Variants in GRIK2 observed in about 807,000 individuals in gnomAD.
GRIK2 encodes glutamate ionotropic receptor kainate type subunit 2.
GRIK2 carries 32 observed loss-of-function variants against 100.3 expected under a neutral mutation model. The ratio of observed to expected loss-of-function variants is 0.32; its 90% CI spans 0.24 to 0.43. GRIK2 has a LOEUF of 0.43. Ranked by LOEUF, GRIK2 falls within the 20% of genes least tolerant of loss-of-function variation. The probability of loss-of-function intolerance (pLI) is 1.00; values close to 1 mark genes in which losing one functional copy is unlikely to be tolerated. For missense variants in GRIK2, 843 were observed against 1,114.9 expected, an observed-to-expected ratio of 0.76 and a Z score of 3.47; for synonymous variants, 417 against 389.4, an observed-to-expected ratio of 1.07 and a Z score of -0.83.
intron 7 of GRIK2, among the ~76,000 whole-genome samples, chr6:101,743,013 T>C (rs1320068522): frequency 6.6e-6 from 1 of 152,208 alleles, no homozygotes; most frequent in Admixed American, 6.5e-5. Flanking sequence ...GTGAGGTAAC[T>C]GGCGATCTAT....
chr6:101,488,312 A>G lies in GRIK2; in HGVS notation c.115+88920A>G, dbSNP rs1021365537. On this transcript the variant is annotated intron_variant, in intron 2 of 16. Transcript: ENST00000369134. Reference sequence around the variant, plus strand: ...GTTTATGACTCCCAAAGTCAATGCAATGTCTTCATAGGTTACATAGGCAGA... The same window carrying G: ...GTTTATGACTCCCAAAGTCAATGCAGTGTCTTCATAGGTTACATAGGCAGA... Among the ~76,000 whole-genome samples, 4 of 146,918 alleles carry G rather than the reference A, an allele frequency of 2.7e-5. 1 individual carries two copies. The highest frequency in any genetic ancestry group is 1.4e-4 in the Admixed American group (2 of 14,738).
At chr6:101,920,265 C>T (rs2128468800) in intron 12 of GRIK2, among the ~76,000 whole-genome samples, 1 of 152,060 alleles carries the variant, frequency 6.6e-6, no homozygotes, top group East Asian at 1.9e-4. Context: ...ACATTTATTT[C>T]TCTCTCATCC....
chr6:101,987,490 T>G (rs893863857), intron 14 of GRIK2, among the ~76,000 whole-genome samples: 1 of 151,586 alleles, frequency 6.6e-6, no homozygotes, highest in Admixed American at 6.6e-5. Context: ...TAATGAAAAT[T>G]TAACTGCCTT....
At chr6:101,728,886 GT>G (rs1433837070) in intron 7 of GRIK2, among the ~76,000 whole-genome samples, 1 of 151,998 alleles carries the variant, frequency 6.6e-6, no homozygotes, top group Non-Finnish European at 1.5e-5. Flanking sequence ...ATTCTATGCA[GT>G]TTCCTGCCTT....
chr6:101,536,802 A>G (rs4840192), intron 2 of GRIK2, among the ~76,000 whole-genome samples: 1 of 151,662 alleles, frequency 6.6e-6, no homozygotes, highest in Admixed American at 6.6e-5. Context: ...ATTCAGCTAG[A>G]TTCTTCCAAT....
intron 7 of GRIK2, among the ~76,000 whole-genome samples, chr6:101,763,833 G>GT (rs1027765344): frequency 2.0e-4 from 28 of 142,848 alleles, no homozygotes; most frequent in African/African-American, 7.2e-4. Context: ...GCGTTTTTTT[G>GT]TTTTTTTGTT....
Position 101,682,595 on chromosome 6 carries a change from T to G in GRIK2, c.766T>G (p.Phe256Val). 1 of 1,292,464 alleles carries G rather than the reference T, an allele frequency of 7.7e-7. No homozygotes were observed. The highest frequency in any genetic ancestry group is 2.3e-5 in the East Asian group (1 of 42,946). 80.1% of individuals were successfully genotyped at this position (1,292,464 alleles called of 1,614,324 possible). Reference protein sequence around the residue: ...GMMTEYYHYIFTTLDLFALDV... With the variant: ...GMMTEYYHYIVTTLDLFALDV... ...GATGACAGAATACTATCATTATATC[T>G]TTACCACTCTGGTAAGTACTTCATT... The change falls in exon 6 of 17, where the codon TTT becomes GTT. Residue 256 changes from phenylalanine to valine, a missense_variant. Transcript: ENST00000369134.
At chr6:102,032,005 G>C (rs1770025215) in intron 14 of GRIK2, among the ~76,000 whole-genome samples, 1 of 151,318 alleles carries the variant, frequency 6.6e-6, no homozygotes, top group South Asian at 2.1e-4. Context: ...GATGGTTTGG[G>C]AGTTTTTAAG....
intron 15 of GRIK2, among the ~76,000 whole-genome samples, chr6:102,041,009 C>CAAAT (rs995535797): frequency 4.0e-5 from 6 of 151,622 alleles, no homozygotes; most frequent in South Asian, 4.1e-4. Flanking sequence ...ACTGAATTAA[C>CAAAT]AAATAAACTC....
chr6:101,767,676 C>G (rs1778120963), intron 7 of GRIK2, among the ~76,000 whole-genome samples: 1 of 151,776 alleles, frequency 6.6e-6, no homozygotes, highest in Non-Finnish European at 1.5e-5. Context: ...TAGGCCCACA[C>G]TGTTGAGAAT....
chr6:101,897,669 T>C (rs1342514987), intron 12 of GRIK2, among the ~76,000 whole-genome samples: 1 of 151,898 alleles, frequency 6.6e-6, no homozygotes, highest in African/African-American at 2.4e-5. Context: ...TATGAACATA[T>C]ACCTTTAAAA....
chr6:101,688,730 A>G (rs1771886473), intron 7 of GRIK2, among the ~76,000 whole-genome samples: 1 of 152,006 alleles, frequency 6.6e-6, no homozygotes, highest in Non-Finnish European at 1.5e-5. Context: ...TGAGTTATTT[A>G]GAAGAATTTT....
chr6:101,738,379 T>C lies in GRIK2; in HGVS notation c.951+52026T>C, dbSNP rs371173540. Among the ~76,000 whole-genome samples, 55 of 152,302 alleles carry C rather than the reference T, an allele frequency of 3.6e-4. 1 individual carries two copies. The highest frequency in any genetic ancestry group is 1.3e-3 in the African/African-American group (52 of 41,556). On this transcript the variant is annotated intron_variant, in intron 7 of 16. Coordinates refer to ENST00000369134, the MANE Select transcript of GRIK2 (RefSeq NM_021956.5). ...AATTCTTTTCAGAAGCAGCTTAAAG[T>C]TACATGGAGAAAATTCTTAAGTAGT...
intron 7 of GRIK2, among the ~76,000 whole-genome samples, chr6:101,727,546 T>C (rs1393357703): frequency 6.6e-6 from 1 of 152,172 alleles, no homozygotes; most frequent in Non-Finnish European, 1.5e-5. Context: ...AAGTACATGA[T>C]AGGCATATCA....
chr6:101,877,453 A>T (rs1785935972), intron 11 of GRIK2, among the ~76,000 whole-genome samples: 1 of 151,930 alleles, frequency 6.6e-6, no homozygotes, highest in Admixed American at 6.6e-5. Context: ...ATACAGGAGG[A>T]TGTGCATAGG....
chr6:101,718,170 A>G (rs1247270873), intron 7 of GRIK2, among the ~76,000 whole-genome samples: 3 of 151,848 alleles, frequency 2.0e-5, no homozygotes, highest in East Asian at 1.9e-4. Flanking sequence ...GGAAGGATCA[A>G]CTCTGCTGTT....
chr6:101,733,708 C>CTTTTTTTTTTTTTTTTTT (rs34438783), intron 7 of GRIK2, among the ~76,000 whole-genome samples: 16 of 83,938 alleles, frequency 1.9e-4, no homozygotes, highest in Admixed American at 3.0e-4. Flanking sequence ...ATTCCTCTTT[C>CTTTTTTTTTTTTTTTTTT]TTTTTTTTTT....
chr6:102,040,224 A>G (rs1286971867), intron 15 of GRIK2, among the ~76,000 whole-genome samples: 6 of 151,546 alleles, frequency 4.0e-5, no homozygotes, highest in Non-Finnish European at 7.4e-5. Flanking sequence ...AAATTTAAAA[A>G]TAATTTTAGC....
intron 4 of GRIK2, among the ~76,000 whole-genome samples, chr6:101,647,580 C>T (rs1232407405): frequency 6.6e-6 from 1 of 151,830 alleles, no homozygotes; most frequent in Non-Finnish European, 1.5e-5. Flanking sequence ...ATAGTGTCTC[C>T]AGTTTTAGAA....
Sources: allele counts gnomAD v4.1 joint callset (sites outside exome capture counted in the v4.1 genomes callset), GRCh38; gene constraint gnomAD v4.1.1; transcripts MANE v1.5; gene names NCBI Gene and HGNC (gene_info 2026-07-23, HGNC 2026-07-21).